The following STARD13 variants were observed in gnomAD, a reference collection of about 807,000 sequenced individuals.
The protein encoded by STARD13 is StAR related lipid transfer domain containing 13.
STARD13 carries 62 observed loss-of-function variants against 106.4 expected under a neutral mutation model. That is an observed-to-expected ratio of 0.58 (90% confidence interval 0.48 to 0.72). The LOEUF (loss-of-function observed/expected upper bound fraction) is 0.72. Among genes scored for constraint, STARD13 ranks in the 30% least tolerant of loss-of-function variants. STARD13 has a pLI of 0.00. For synonymous variants in STARD13, 565 were observed against 553.0 expected (o/e 1.02, Z -0.31); for missense variants, 1,387 against 1,424.0 (o/e 0.97, Z 0.42).
chr13:33,524,727 T>A, the STARD13 span, among the ~76,000 whole-genome samples: 6 of 152,046 alleles, frequency 3.9e-5, no homozygotes, highest in Admixed American at 3.3e-4. Flanking sequence ...ATTTTTTAAT[T>A]GACAAATTAA....
At chr13:33,189,429 CCTTTCGG>C (rs1241788654) in intron 1 of STARD13, among the ~76,000 whole-genome samples, 1 of 57,424 alleles carries the variant, frequency 1.7e-5, no homozygotes, top group Non-Finnish European at 3.3e-5. Flanking sequence ...CCTCCTTCCT[CCTTTCGG>C]AGGAAGGAGG....
the STARD13 span, among the ~76,000 whole-genome samples, chr13:33,602,925 T>G: frequency 6.6e-6 from 1 of 152,212 alleles, no homozygotes; most frequent in Non-Finnish European, 1.5e-5. Flanking sequence ...TCCACGAAAC[T>G]AGGCCCTGTT....
the STARD13 span, among the ~76,000 whole-genome samples, chr13:33,641,519 T>C: frequency 6.6e-6 from 1 of 152,160 alleles, no homozygotes; most frequent in Non-Finnish European, 1.5e-5. Context: ...GTGATTCTAG[T>C]TTCTATGGCT....
At chr13:33,620,045 A>C in the STARD13 span, among the ~76,000 whole-genome samples, 1 of 152,120 alleles carries the variant, frequency 6.6e-6, no homozygotes, top group Non-Finnish European at 1.5e-5. Context: ...CGACAAGAGC[A>C]AAACTCTGTC....
Position 33,329,220 on chromosome 13 carries a change from A to G in STARD13, c.124+21070T>C, listed in dbSNP as rs577372532. Among the ~76,000 whole-genome samples the G allele has an allele frequency of 1.7e-4, 26 of 152,156 alleles. No homozygotes were observed. In the East Asian group the frequency reaches 4.2e-3, roughly 25 times the overall value. On this transcript the variant is annotated intron_variant, in intron 1 of 5. Transcript: ENST00000567873. ...ACCCCTAAAATCATTCTGTAAATAT[A>G]CTAAAGTCATGGAATTACAGGATTT...
the STARD13 span, among the ~76,000 whole-genome samples, chr13:33,449,158 C>CA: frequency 1.3e-5 from 2 of 150,966 alleles, no homozygotes; most frequent in African/African-American, 2.4e-5. Flanking sequence ...AGTTTTTATC[C>CA]AAAAAAATCC....
chr13:33,127,483 G>A lies in STARD13; in HGVS notation c.1812C>T (p.His604=). The A allele has an allele frequency of 2.5e-6, 4 of 1,595,154 alleles. No homozygotes were observed. The highest frequency in any genetic ancestry group is 3.4e-6 in the Non-Finnish European group (4 of 1,175,974). Residue 604 remains histidine (H), a synonymous_variant, in exon 6 of 14, where the codon CAC becomes CAT. Coordinates refer to ENST00000336934, the MANE Select transcript of STARD13 (RefSeq NM_178006.4). Reference sequence around the variant, plus strand: ...GCTGGCTGGCCGTCTGGCTGCTGATGTGGGGCGATGCTGGGGCCGGCCGGG... The same window carrying A: ...GCTGGCTGGCCGTCTGGCTGCTGATATGGGGCGATGCTGGGGCCGGCCGGG... The part of the protein sequence containing the change: ...HQPRPAPASP[H]ISSQTASQLS...
rs34425674 is a variant in STARD13, at chr13:33,129,529, C to G, written c.1148G>C (p.Arg383Pro). 38,323 of 1,614,186 alleles carry G rather than the reference C, an allele frequency of 0.024. 539 individuals carry two copies. The highest frequency in any genetic ancestry group is 0.027 in the Non-Finnish European group (32,157 of 1,180,032). Residue 383 changes from arginine (R) to proline (P), a missense_variant, in exon 5 of 14, where the codon CGT (arginine) becomes CCT (proline). Physicochemically the swap from Arg to Pro is moderately radical, Grantham distance 103. Coordinates refer to ENST00000336934, the MANE Select transcript of STARD13 (RefSeq NM_178006.4). ...CTCTTGGGAGTGAAATTCATGCATA[C>G]GGCTTTGGTCCCCTGCATCCGGCAG... ...TALPDAGDQS[R>P]MHEFHSQENL...
At chr13:33,200,807 G>A (rs1800698277) in intron 1 of STARD13, among the ~76,000 whole-genome samples, 1 of 151,638 alleles carries the variant, frequency 6.6e-6, no homozygotes, top group African/African-American at 2.4e-5. Flanking sequence ...AGATCACGAG[G>A]TCAGGAGATT....
At chr13:33,669,001 G>A in the STARD13 span, among the ~76,000 whole-genome samples, 2 of 152,166 alleles carry the variant, frequency 1.3e-5, no homozygotes, top group African/African-American at 4.8e-5. Flanking sequence ...TTACCCATGG[G>A]AAAATGGACA....
At chr13:33,545,223 G>A in the STARD13 span, among the ~76,000 whole-genome samples, 1 of 152,116 alleles carries the variant, frequency 6.6e-6, no homozygotes, top group Non-Finnish European at 1.5e-5. Flanking sequence ...GCCTCTCAAA[G>A]TGCTGGGATT....
the STARD13 span, among the ~76,000 whole-genome samples, chr13:33,444,410 C>G: frequency 6.6e-6 from 1 of 152,136 alleles, no homozygotes; most frequent in Non-Finnish European, 1.5e-5. Flanking sequence ...ATAGCATAAA[C>G]CATGTTTGGG....
chr13:33,246,268 G>A (rs1231346685), intron 1 of STARD13, among the ~76,000 whole-genome samples: 1 of 152,206 alleles, frequency 6.6e-6, no homozygotes, highest in Non-Finnish European at 1.5e-5. Flanking sequence ...ATAAGTGGCT[G>A]TGTTGCTTCA....
At chr13:33,309,311 G>A (rs556407886) in intron 1 of STARD13, among the ~76,000 whole-genome samples, 8 of 152,248 alleles carry the variant, frequency 5.3e-5, no homozygotes, top group South Asian at 4.2e-4. Flanking sequence ...AGTTGAGGAC[G>A]CAAGCAATAT....
the STARD13 span, among the ~76,000 whole-genome samples, chr13:33,401,148 C>T: frequency 3.9e-5 from 6 of 152,326 alleles, no homozygotes; most frequent in South Asian, 6.2e-4. Context: ...TCTCAGTGAA[C>T]AGTAACTATT....
the STARD13 span, among the ~76,000 whole-genome samples, chr13:33,513,752 T>C: frequency 2.0e-5 from 3 of 152,188 alleles, no homozygotes; most frequent in Non-Finnish European, 4.4e-5. Flanking sequence ...TACTATAACC[T>C]TTCTTAGATT....
Position 33,200,377 on chromosome 13 carries a change from G to A in STARD13, c.170-32755C>T, listed in dbSNP as rs145526173. On this transcript the variant is annotated intron_variant, in intron 1 of 13. Transcript: ENST00000336934. ...TGTGGAAGCCCTTGGCAAGGCAGGAGCTACCGTGCCAGCCCCTTGAAGTCT... is the reference window on the plus strand; with the variant it reads ...TGTGGAAGCCCTTGGCAAGGCAGGAACTACCGTGCCAGCCCCTTGAAGTCT... Among the ~76,000 whole-genome samples, 1,010 of 152,306 alleles carry A rather than the reference G, an allele frequency of 6.6e-3. 12 individuals carry two copies. The highest frequency in any genetic ancestry group is 0.023 in the African/African-American group (956 of 41,572).
chr13:33,211,255 A>G (rs1887699172), intron 1 of STARD13, among the ~76,000 whole-genome samples: 1 of 151,504 alleles, frequency 6.6e-6, no homozygotes, highest in Non-Finnish European at 1.5e-5. Context: ...TATTTAAAAT[A>G]TCTTTTAAAA....
At position 33,132,402 on chromosome 13, in the gene STARD13, C is replaced by G. The variant is rs142611824; in HGVS notation, c.388-2113G>C. ...CTGATGGTTTTATAAGGGGAAACCCCTTTTGCTTGGCTCTCTTTCTCTCTT... is the reference window on the plus strand; with the variant it reads ...CTGATGGTTTTATAAGGGGAAACCCGTTTTGCTTGGCTCTCTTTCTCTCTT... On this transcript the variant is annotated intron_variant, in intron 4 of 13. Coordinates refer to ENST00000336934, the MANE Select transcript of STARD13 (RefSeq NM_178006.4). Among the ~76,000 whole-genome samples the G allele has an allele frequency of 9.8e-4, 149 of 152,308 alleles. No individual in the cohort carries two copies. The Middle Eastern group carries it at 0.031, about 31-fold the overall frequency.
Sources: allele counts gnomAD v4.1 joint callset (sites outside exome capture counted in the v4.1 genomes callset), GRCh38; gene constraint gnomAD v4.1.1; transcripts MANE v1.5; gene names NCBI Gene and HGNC (gene_info 2026-07-23, HGNC 2026-07-21).